The following STK32B variants were observed in gnomAD, a reference collection of about 807,000 sequenced individuals.
The protein encoded by STK32B is serine/threonine kinase 32B.
A neutral mutation model predicts 52.6 loss-of-function variants in STK32B; 43 were observed. The observed-to-expected ratio is 0.82, with a 90% CI of 0.64 to 1.05. The LOEUF (loss-of-function observed/expected upper bound fraction) is 1.05, where lower values mean the gene tolerates loss of function less well. Among genes scored for constraint, STK32B ranks in the 50% least tolerant of loss-of-function variants. The pLI is 0.00. For synonymous variants in STK32B, 238 were observed against 204.3 expected (o/e 1.17, Z -1.41); for missense variants, 621 against 534.6 (o/e 1.16, Z -1.59).
intron 1 of STK32B, among the ~76,000 whole-genome samples, chr4:5,068,441 A>T (rs1035580363): frequency 1.3e-5 from 2 of 152,198 alleles, no homozygotes; most frequent in Non-Finnish European, 2.9e-5. Context: ...AGTTGCTGAT[A>T]TCTAATGTTT....
At chr4:5,316,232 C>T (rs1227864312) in intron 3 of STK32B, among the ~76,000 whole-genome samples, 1 of 49,342 alleles carries the variant, frequency 2.0e-5, no homozygotes, top group East Asian at 5.6e-4. Context: ...ATTATATATA[C>T]AATATTATAT....
In STK32B at chr4:5,252,198, C is replaced by G. The variant is rs79554635; in HGVS notation, c.261-79022C>G. ...ATGCTCAGAGTCACTACTTTTTATC[C>G]CCTTCCCCACATATAAATATGTGCC... On this transcript the variant is annotated intron_variant, in intron 3 of 11. Coordinates refer to ENST00000282908, the MANE Select transcript of STK32B (RefSeq NM_018401.3). 7.3e-4 allele frequency among the ~76,000 whole-genome samples: 111 copies of G among 152,172 alleles called. 2 individuals carry two copies. The East Asian group carries it at 0.016, about 23-fold the overall frequency.
chr4:5,409,931 C>T (rs1711521167), intron 5 of STK32B, among the ~76,000 whole-genome samples: 1 of 152,160 alleles, frequency 6.6e-6, no homozygotes, highest in Admixed American at 6.5e-5. Context: ...GTGCTGAAAA[C>T]ATAGTCTTCC....
At chr4:5,042,116 G>C in the STK32B span, among the ~76,000 whole-genome samples, 1 of 152,186 alleles carries the variant, frequency 6.6e-6, no homozygotes, top group Non-Finnish European at 1.5e-5. Flanking sequence ...AAGAGGAATA[G>C]CAGCCACAAG....
At chr4:5,272,752 A>T (rs1198231909) in intron 3 of STK32B, among the ~76,000 whole-genome samples, 1 of 147,334 alleles carries the variant, frequency 6.8e-6, no homozygotes, top group Non-Finnish European at 1.5e-5. Flanking sequence ...AGGATTCCCT[A>T]TTTAATAAAT....
intron 9 of STK32B, among the ~76,000 whole-genome samples, chr4:5,461,815 C>T (rs1055751560): frequency 7.9e-5 from 12 of 152,214 alleles, no homozygotes; most frequent in Admixed American, 4.6e-4. Flanking sequence ...TCCTTCTGCC[C>T]GCCCAGACCT....
intron 8 of STK32B, among the ~76,000 whole-genome samples, chr4:5,458,234 C>A (rs967285732): frequency 1.3e-5 from 2 of 152,194 alleles, no homozygotes; most frequent in African/African-American, 4.8e-5. Context: ...TGGTGCCCTG[C>A]CTTTAAGGCT....
intron 1 of STK32B, among the ~76,000 whole-genome samples, chr4:5,105,919 G>A (rs2108798473): frequency 6.6e-6 from 1 of 152,056 alleles, no homozygotes; most frequent in South Asian, 2.1e-4. Context: ...TGATTGCTTT[G>A]CTTACTTTAA....
At chr4:5,482,139 G>C (rs889285543) in intron 11 of STK32B, among the ~76,000 whole-genome samples, 3 of 152,174 alleles carry the variant, frequency 2.0e-5, no homozygotes, top group African/African-American at 7.2e-5. Flanking sequence ...TTGGTAGCTT[G>C]ATGGGGATGG....
the STK32B span, among the ~76,000 whole-genome samples, chr4:5,023,939 C>T: frequency 6.6e-6 from 1 of 152,140 alleles, no homozygotes; most frequent in Non-Finnish European, 1.5e-5. Flanking sequence ...TGAGCCTTTC[C>T]TATGTCAGTT....
the STK32B span, among the ~76,000 whole-genome samples, chr4:5,034,635 T>C: frequency 6.6e-6 from 1 of 152,354 alleles, no homozygotes; most frequent in Non-Finnish European, 1.5e-5. Flanking sequence ...CAACTTTGCC[T>C]GTTGGGTACA....
chr4:5,171,499 G>A (rs183618254), intron 3 of STK32B, among the ~76,000 whole-genome samples: 96 of 152,234 alleles, frequency 6.3e-4, no homozygotes, highest in Admixed American at 9.8e-4. Flanking sequence ...GTACAAGGAA[G>A]GTGTCCAGTT....
rs186522480 is a variant in STK32B at position 5,342,069 on chromosome 4, G to A, written c.434+10676G>A. ...AACAACAGGTGCTGGAGAGGATGTG[G>A]AGATATAGGAACGGTTCTACACTGT... On this transcript the variant is annotated intron_variant, in intron 4 of 11. Coordinates refer to ENST00000282908, the MANE Select transcript of STK32B (RefSeq NM_018401.3). Among the ~76,000 whole-genome samples, 11 of 152,074 alleles carry A rather than the reference G, an allele frequency of 7.2e-5. No individual in the cohort carries two copies. The East Asian group carries it at 2.1e-3, about 29-fold the overall frequency.
intron 3 of STK32B, among the ~76,000 whole-genome samples, chr4:5,191,546 G>A (rs1434944896): frequency 6.6e-6 from 1 of 151,850 alleles, no homozygotes; most frequent in Non-Finnish European, 1.5e-5. Context: ...GAGCCACCGC[G>A]CCTTGCCTCC....
chr4:5,373,932 G>A (rs1014746902), intron 4 of STK32B, among the ~76,000 whole-genome samples: 2 of 152,196 alleles, frequency 1.3e-5, no homozygotes, highest in African/African-American at 2.4e-5. Flanking sequence ...ATGTCCACCT[G>A]AGACCTCAAA....
At chr4:5,150,686 T>TTTCTCCTCTTGGATACTCTTGGAG (rs1408159020) in intron 2 of STK32B, among the ~76,000 whole-genome samples, 21 of 152,014 alleles carry the variant, frequency 1.4e-4, no homozygotes, top group African/African-American at 4.1e-4. Context: ...TCCACTTGGA[T>TTTCTCCTCTTGGATACTCTTGGAG]TTCTCCTCTT....
chr4:5,313,450 A>T (rs1187194757), intron 3 of STK32B, among the ~76,000 whole-genome samples: 1 of 149,926 alleles, frequency 6.7e-6, no homozygotes, highest in African/African-American at 2.5e-5. Flanking sequence ...ATTGGGCACA[A>T]GGTAAGGATT....
At chr4:5,330,019 G>A (rs987531897) in intron 3 of STK32B, among the ~76,000 whole-genome samples, 4 of 152,264 alleles carry the variant, frequency 2.6e-5, no homozygotes, top group African/African-American at 7.2e-5. Flanking sequence ...GTGCATTACA[G>A]CAACATCCCC....
intron 1 of STK32B, among the ~76,000 whole-genome samples, chr4:5,066,993 T>C (rs1023605919): frequency 3.3e-5 from 5 of 152,200 alleles, no homozygotes; most frequent in African/African-American, 1.2e-4. Flanking sequence ...TAAGTCAGTA[T>C]ATTAGTCTGT....
Sources: gnomAD v4.1 joint callset for allele counts (sites outside exome capture counted in the v4.1 genomes callset) on GRCh38, gnomAD v4.1.1 for gene constraint, MANE v1.5 for transcripts, NCBI Gene and HGNC (gene_info 2026-07-23, HGNC 2026-07-21) for gene names.